The following AKAP13 variants were observed in gnomAD, a reference collection of about 807,000 sequenced individuals.
The protein encoded by AKAP13 is A-kinase anchor protein 13.
Under a neutral mutation model 264.5 loss-of-function variants are expected in AKAP13, and 80 were observed. The observed-to-expected ratio is 0.30, with a 90% CI of 0.25 to 0.36. The LOEUF (loss-of-function observed/expected upper bound fraction) is 0.36, where lower values mean the gene tolerates loss of function less well. AKAP13 is among the 10% of genes least tolerant of loss of function. The probability of loss-of-function intolerance (pLI) is 1.00; values close to 1 mark genes in which losing one functional copy is unlikely to be tolerated. For synonymous variants in AKAP13, 1,380 were observed against 1,250.2 expected, an observed-to-expected ratio of 1.10 and a Z score of -2.19; for missense variants, 3,712 against 3,435.2, an observed-to-expected ratio of 1.08 and a Z score of -2.01.
At chr15:85,687,474 G>T (rs1360946129) in intron 16 of AKAP13, among the ~76,000 whole-genome samples, 2 of 152,134 alleles carry the variant, frequency 1.3e-5, no homozygotes, top group Non-Finnish European at 2.9e-5. Flanking sequence ...CATCTCCTTT[G>T]TCAAAATGAC....
chr15:85,584,854 G>A (rs1399166980), intron 7 of AKAP13, among the ~76,000 whole-genome samples: 1 of 152,142 alleles, frequency 6.6e-6, no homozygotes, highest in African/African-American at 2.4e-5. Flanking sequence ...ACATGAAATC[G>A]AGATGACAGT....
intron 1 of AKAP13, among the ~76,000 whole-genome samples, chr15:85,479,443 A>G (rs2075284197): frequency 1.3e-5 from 2 of 152,198 alleles, no homozygotes; most frequent in South Asian, 2.1e-4. Context: ...ATCCCTGGCC[A>G]TGGAAATTCA....
intron 35 of AKAP13, 111 bp downstream of exon 35, chr15:85,741,606 A>G (rs2088967750): frequency 7.2e-7 from 1 of 1,390,970 alleles, no homozygotes; most frequent in South Asian, 1.6e-5. Flanking sequence ...TTTTGGCCAG[A>G]TGCTCATGCC....
intron 1 of AKAP13, among the ~76,000 whole-genome samples, chr15:85,407,323 G>A (rs1448942626): frequency 6.6e-6 from 1 of 151,332 alleles, no homozygotes; most frequent in Non-Finnish European, 1.5e-5. Flanking sequence ...CGCCTCCTGG[G>A]TTCAAGAGAT....
rs768959910 is a variant in AKAP13 at position 85,533,690 on chromosome 15, G to A, written c.288G>A (p.Ala96=). 9 of 1,614,062 alleles carry A rather than the reference G, an allele frequency of 5.6e-6. No homozygotes were observed. Among genetic ancestry groups the A allele is most frequent in the African/African-American group, 4.0e-5 (3 of 74,918 alleles). ...ACTTTCATTTCGTCCAGGATGAAGC[G>A]TATGATGCAGCTCAATTCCTAGCAA... ...EEDFHFVQDE[A]YDAAQFLATS... Residue 96 remains alanine (A), a synonymous_variant, in exon 4 of 37, where the codon GCG becomes GCA. Transcript: ENST00000394518.
intron 19 of AKAP13, among the ~76,000 whole-genome samples, chr15:85,713,573 TG>T (rs1335206327): frequency 2.7e-4 from 1 of 3,638 alleles, no homozygotes; most frequent in Non-Finnish European, 5.1e-4. Flanking sequence ...TGGGTGGGGG[TG>T]GGGGTGGGGG....
At chr15:85,628,857 T>TA (rs1195471428) in intron 8 of AKAP13, among the ~76,000 whole-genome samples, 1 of 152,150 alleles carries the variant, frequency 6.6e-6, no homozygotes, top group African/African-American at 2.4e-5. Flanking sequence ...AATTTAATAC[T>TA]AAAAAATTGT....
chr15:85,562,574 A>AAAAATAT (rs1351834745), intron 5 of AKAP13, among the ~76,000 whole-genome samples: 3 of 77,670 alleles, frequency 3.9e-5, no homozygotes, highest in African/African-American at 1.2e-4. Flanking sequence ...CAAAAAAAAA[A>AAAAATAT]ATATATATAT....
intron 1 of AKAP13, among the ~76,000 whole-genome samples, chr15:85,394,375 C>G (rs2071015016): frequency 6.6e-6 from 1 of 152,126 alleles, no homozygotes; most frequent in African/African-American, 2.4e-5. Context: ...GGGGAAAGAC[C>G]TGGGTCATGT....
intron 1 of AKAP13, among the ~76,000 whole-genome samples, chr15:85,395,519 A>G (rs530067098): frequency 2.9e-4 from 44 of 152,312 alleles, no homozygotes; most frequent in Admixed American, 6.5e-4. Context: ...TGAATTATGA[A>G]TAATTGAGAT....
rs143469130 is a variant in AKAP13 at position 85,582,651 on chromosome 15, GT to G, written c.4039+550del. On this transcript the variant is annotated intron_variant, in intron 7 of 36. Coordinates refer to ENST00000394518, the MANE Select transcript of AKAP13 (RefSeq NM_007200.5). The stretch of plus-strand genomic sequence containing the variant: ...AAATGGTGGTATTAGGTCATTGGTG[GT>G]TTTTTGTTTGTTTGTTTTTGTTTTT... 2.7e-5 allele frequency among the ~76,000 whole-genome samples: 4 copies of G among 148,054 alleles called. No individual in the cohort carries two copies. The South Asian group carries it at 9.1e-4, about 34-fold the overall frequency.
chr15:85,709,495 C>T (rs1023658786), intron 18 of AKAP13, among the ~76,000 whole-genome samples: 1 of 151,986 alleles, frequency 6.6e-6, no homozygotes, highest in African/African-American at 2.4e-5. Flanking sequence ...CACACCCCAC[C>T]CCACCCCAGC....
chr15:85,424,905 T>C (rs1262100596), intron 1 of AKAP13, among the ~76,000 whole-genome samples: 1 of 152,166 alleles, frequency 6.6e-6, no homozygotes, highest in Non-Finnish European at 1.5e-5. Flanking sequence ...AGAGATGGGG[T>C]AGCAGCAAGT....
chr15:85,635,944 A>G (rs2082053135), intron 8 of AKAP13, among the ~76,000 whole-genome samples: 1 of 152,142 alleles, frequency 6.6e-6, no homozygotes, highest in Non-Finnish European at 1.5e-5. Context: ...CTGCTGTTTA[A>G]TATCACCCCG....
At chr15:85,631,012 A>AG (rs1256366725) in intron 8 of AKAP13, among the ~76,000 whole-genome samples, 1 of 152,194 alleles carries the variant, frequency 6.6e-6, no homozygotes. Context: ...GAAAAAAAAA[A>AG]CAACCACCCA....
chr15:85,716,012 T>C, intron 20 of AKAP13, 89 bp downstream of exon 20: 2 of 1,509,134 alleles, frequency 1.3e-6, no homozygotes, highest in South Asian at 1.3e-5. Context: ...CTTTTTTTTT[T>C]TTTTAAGAAA....
intron 8 of AKAP13, among the ~76,000 whole-genome samples, chr15:85,635,270 C>T (rs1309548487): frequency 6.6e-6 from 1 of 152,144 alleles, no homozygotes; most frequent in African/African-American, 2.4e-5. Context: ...TGGATGTCTG[C>T]TGCTATGTCC....
chr15:85,727,205 G>A lies in AKAP13; in HGVS notation c.6962G>A (p.Arg2321Gln). The stretch of plus-strand genomic sequence containing the variant: ...GTCCATGCCAGCTCCAAAGAGGAAC[G>A]AAACAGCTGGATTCAGATCATTCAG... ...VEVHASSKEERNSWIQIIQDT... is the reference protein window; with the variant it reads ...VEVHASSKEEQNSWIQIIQDT... The change falls in exon 28 of 37, where the codon CGA becomes CAA. Residue 2321 changes from arginine to glutamine, a missense_variant. Transcript: ENST00000394518. This position sits in a 1 kb window ranked among gnomAD's most constrained non-coding sequence, Gnocchi z 5.3. The A allele has an allele frequency of 1.2e-6, 2 of 1,614,168 alleles. No homozygotes were observed. The highest frequency in any genetic ancestry group is 1.1e-5 in the South Asian group (1 of 91,080).
chr15:85,438,414 C>A (rs1203068331), intron 1 of AKAP13, among the ~76,000 whole-genome samples: 1 of 151,236 alleles, frequency 6.6e-6, no homozygotes, highest in African/African-American at 2.4e-5. Flanking sequence ...ACAGATTCAA[C>A]TCCATCCCCA....
Sources: gnomAD v4.1 joint callset for allele counts (sites outside exome capture counted in the v4.1 genomes callset) on GRCh38, gnomAD v4.1.1 for gene constraint, Gnocchi (gnomAD v3.1) non-coding constraint, MANE v1.5 for transcripts, NCBI Gene and HGNC (gene_info 2026-07-23, HGNC 2026-07-21) for gene names.